DEPDC1B: variants seen among roughly 807,000 people sequenced by gnomAD.
DEPDC1B encodes the protein DEP domain-containing protein 1B.
Under a neutral mutation model 66.5 loss-of-function variants are expected in DEPDC1B, and 51 were observed. The ratio of observed to expected loss-of-function variants is 0.77; its 90% CI spans 0.61 to 0.97. The LOEUF (loss-of-function observed/expected upper bound fraction) is 0.97. DEPDC1B is among the 50% of genes least tolerant of loss of function. The pLI is 0.00. For synonymous variants in DEPDC1B, 226 were observed against 223.6 expected, an observed-to-expected ratio of 1.01 and a Z score of -0.10; for missense variants, 552 against 637.1, an observed-to-expected ratio of 0.87 and a Z score of 1.44.
intron 2 of DEPDC1B, among the ~76,000 whole-genome samples, chr5:60,663,436 G>A (rs564772019): frequency 7.7e-4 from 118 of 152,292 alleles, no homozygotes; most frequent in African/African-American, 2.7e-3. Context: ...CAATGAGGCC[G>A]TTGTCCCTCT....
At chr5:60,695,103 T>C (rs1754625145) in intron 1 of DEPDC1B, among the ~76,000 whole-genome samples, 2 of 152,222 alleles carry the variant, frequency 1.3e-5, no homozygotes, top group African/African-American at 4.8e-5. Flanking sequence ...AACCTTTAAC[T>C]GAATTTTATA....
chr5:60,695,375 AAG>A (rs1194657703), intron 1 of DEPDC1B, among the ~76,000 whole-genome samples: 3 of 152,274 alleles, frequency 2.0e-5, no homozygotes, highest in African/African-American at 7.2e-5. Flanking sequence ...AGGGGGGAAC[AAG>A]AGAGAGTGAG....
At chr5:60,629,549 T>C (rs765154639) in intron 7 of DEPDC1B, among the ~76,000 whole-genome samples, 4 of 152,238 alleles carry the variant, frequency 2.6e-5, no homozygotes, top group Non-Finnish European at 4.4e-5. Flanking sequence ...GTAACATTAA[T>C]TCCAATTAGA....
Position 60,654,390 on chromosome 5 carries a change from T to C in DEPDC1B, c.315-6857A>G, listed in dbSNP as rs1346546441. ...TCTTTTTTTTTGGTGGGGGGTACTA[T>C]TGTAAAAGGAATTGAGTTATTGATT... On this transcript the variant is annotated intron_variant, in intron 2 of 10. Transcript: ENST00000265036. 6.1e-5 allele frequency among the ~76,000 whole-genome samples: 9 copies of C among 147,588 alleles called. 1 individual carries two copies. Among genetic ancestry groups the C allele is most frequent in the Non-Finnish European group, 1.3e-4 (9 of 67,706 alleles).
At chr5:60,697,008 A>G (rs993195819) in intron 1 of DEPDC1B, among the ~76,000 whole-genome samples, 4 of 152,206 alleles carry the variant, frequency 2.6e-5, no homozygotes, top group African/African-American at 9.7e-5. Flanking sequence ...TGAAAGCTGT[A>G]TGTCTTTTAA....
intron 7 of DEPDC1B, among the ~76,000 whole-genome samples, chr5:60,634,138 T>C (rs946805778): frequency 6.6e-6 from 1 of 152,168 alleles, no homozygotes; most frequent in Non-Finnish European, 1.5e-5. Context: ...AATCTCTGGG[T>C]GACCAGTACC....
chr5:60,667,589 T>TAAAAAAGGATATTTTACATATATATA (rs1554054875), intron 2 of DEPDC1B, among the ~76,000 whole-genome samples: 1 of 137,824 alleles, frequency 7.3e-6, no homozygotes, highest in Non-Finnish European at 1.5e-5. Context: ...TTTACATATA[T>TAAAAAAGGATATTTTACATATATATA]AAAAATGGAT....
intron 7 of DEPDC1B, among the ~76,000 whole-genome samples, chr5:60,636,260 CAAAT>C (rs1420153285): frequency 1.3e-5 from 2 of 152,056 alleles, no homozygotes; most frequent in Non-Finnish European, 2.9e-5. Flanking sequence ...ATATAAGTAA[CAAAT>C]AAGTCTTTCA....
intron 9 of DEPDC1B, among the ~76,000 whole-genome samples, chr5:60,601,441 A>C (rs901211015): frequency 6.6e-6 from 1 of 152,240 alleles, no homozygotes; most frequent in Non-Finnish European, 1.5e-5. Flanking sequence ...CCACTGACAG[A>C]AATGTAAATT....
chr5:60,656,285 C>T (rs555174474), intron 2 of DEPDC1B, among the ~76,000 whole-genome samples: 4 of 151,982 alleles, frequency 2.6e-5, no homozygotes, highest in East Asian at 1.9e-4. Context: ...CTCAGCCTCC[C>T]GAGTAGCTGA....
rs770270774 is a variant in DEPDC1B at position 60,677,295 on chromosome 5, G to GACACACACAC, written c.314+9657_314+9666dup. 1.4e-3 allele frequency among the ~76,000 whole-genome samples: 157 copies of GACACACACAC among 113,758 alleles called. 1 individual carries two copies. Among genetic ancestry groups the GACACACACAC allele is most frequent in the African/African-American group, 5.0e-3 (137 of 27,438 alleles). 74.6% of individuals were successfully genotyped at this position (113,758 alleles called of 152,430 possible). On this transcript the variant is annotated intron_variant, in intron 2 of 10. Transcript: ENST00000265036. Reference sequence around the variant, plus strand: ...TAAGTAGCAGAATCTTTTTCATACAGACACACACACACACACACACACACA... The same window carrying GACACACACAC: ...TAAGTAGCAGAATCTTTTTCATACAGACACACACACACACACACACACACACACACACACA...
chr5:60,627,467 G>A (rs1432322099), intron 7 of DEPDC1B, among the ~76,000 whole-genome samples: 1 of 151,154 alleles, frequency 6.6e-6, no homozygotes, highest in African/African-American at 2.4e-5. Flanking sequence ...ATTCAATGTT[G>A]TAACTGTTTT....
intron 7 of DEPDC1B, among the ~76,000 whole-genome samples, chr5:60,634,680 AAAT>A (rs1383534719): frequency 1.4e-5 from 2 of 146,064 alleles, no homozygotes; most frequent in African/African-American, 2.5e-5. Flanking sequence ...TCAAAAAAAT[AAAT>A]AAATAAATAA....
chr5:60,621,747 T>C (rs1463244322), intron 7 of DEPDC1B, among the ~76,000 whole-genome samples: 1 of 152,214 alleles, frequency 6.6e-6, no homozygotes. Context: ...CAAACATGCA[T>C]TAAAGAACAG....
At chr5:60,605,195 A>G (rs1414617222) in intron 8 of DEPDC1B, among the ~76,000 whole-genome samples, 1 of 152,234 alleles carries the variant, frequency 6.6e-6, no homozygotes, top group African/African-American at 2.4e-5. Flanking sequence ...AAGGGTACAA[A>G]GATCCAGTGA....
chr5:60,689,721 T>C (rs973452794), intron 1 of DEPDC1B, among the ~76,000 whole-genome samples: 2 of 151,950 alleles, frequency 1.3e-5, no homozygotes, highest in Non-Finnish European at 1.5e-5. Flanking sequence ...GGATTCACCA[T>C]GTAGAAGCAG....
chr5:60,623,630 A>G (rs185955822), intron 7 of DEPDC1B, among the ~76,000 whole-genome samples: 2 of 152,156 alleles, frequency 1.3e-5, no homozygotes, highest in East Asian at 1.9e-4. Context: ...TCAATATTGC[A>G]TATCTTTCAG....
chr5:60,694,257 C>T (rs1315857273), intron 1 of DEPDC1B, among the ~76,000 whole-genome samples: 2 of 152,082 alleles, frequency 1.3e-5, no homozygotes, highest in Non-Finnish European at 2.9e-5. Context: ...TATCCTAAAA[C>T]ACGCTTTTGC....
rs1442631890 is a variant in DEPDC1B, at chr5:60,666,289, C to T, written c.315-18756G>A. Among the ~76,000 whole-genome samples, 9 of 152,152 alleles carry T rather than the reference C, an allele frequency of 5.9e-5. No homozygotes were observed. In the South Asian group the frequency reaches 1.4e-3, roughly 24 times the overall value. On this transcript the variant is annotated intron_variant, in intron 2 of 10. Transcript: ENST00000265036. ...GTTGCTGGGTTCCACAGTTGTCTTC[C>T]GTGATCCACTGCTTCTAATAGAGCT... is the stretch of plus-strand genomic sequence containing the variant.
Sources: gnomAD v4.1 joint callset for allele counts (sites outside exome capture counted in the v4.1 genomes callset) on GRCh38, gnomAD v4.1.1 for gene constraint, MANE v1.5 for transcripts, NCBI Gene and HGNC (gene_info 2026-07-23, HGNC 2026-07-21) for gene names.